The following NTM variants were observed in gnomAD, a reference collection of about 807,000 sequenced individuals.
NTM encodes IgLON family member 2.
NTM carries 13 observed loss-of-function variants against 42.1 expected under a neutral mutation model. The ratio of observed to expected loss-of-function variants is 0.31; its 90% confidence interval spans 0.20 to 0.49. NTM has a LOEUF of 0.49. Ranked by LOEUF, NTM falls within the 20% of genes least tolerant of loss-of-function variation. The pLI is 0.99. For synonymous variants in NTM, 187 were observed against 179.2 expected (o/e 1.04, Z -0.35); for missense variants, 373 against 452.8 (o/e 0.82, Z 1.60).
At chr11:131,749,159 A>T (rs190396107) in intron 1 of NTM, among the ~76,000 whole-genome samples, 1 of 152,362 alleles carries the variant, frequency 6.6e-6, no homozygotes, top group Non-Finnish European at 1.5e-5. Flanking sequence ...GTTGTTCTGA[A>T]TCAACTCAGT....
intron 1 of NTM, among the ~76,000 whole-genome samples, chr11:131,732,874 T>C (rs1358801821): frequency 6.6e-6 from 1 of 152,198 alleles, no homozygotes; most frequent in Non-Finnish European, 1.5e-5. Flanking sequence ...ATGATATCTT[T>C]CAGTATTTTT....
At position 131,589,446 on chromosome 11, in the gene NTM, C is replaced by A. The variant is rs75843945; in HGVS notation, c.82+218558C>A. 3.3e-3 allele frequency among the ~76,000 whole-genome samples: 501 copies of A among 152,270 alleles called. 3 individuals carry two copies. The highest frequency in any genetic ancestry group is 0.011 in the African/African-American group (455 of 41,536). ...GTGCTGTAATTAAAAGCTGACTACA[C>A]ATCCATTCTCCATCCAGAAACTGCA... On this transcript the variant is annotated intron_variant, in intron 1 of 8. Coordinates refer to ENST00000683400, the MANE Select transcript of NTM (RefSeq NM_001352005.2).
At chr11:131,621,743 G>A (rs2062578356) in intron 1 of NTM, among the ~76,000 whole-genome samples, 1 of 149,626 alleles carries the variant, frequency 6.7e-6, no homozygotes, top group Non-Finnish European at 1.5e-5. Flanking sequence ...GATGGCTTGA[G>A]TCTGGGAGGT....
intron 2 of NTM, among the ~76,000 whole-genome samples, chr11:131,982,615 T>G (rs1565879640): frequency 6.6e-6 from 1 of 151,876 alleles, no homozygotes; most frequent in Admixed American, 6.6e-5. Flanking sequence ...TGGAGACACA[T>G]AAAATGAAAG....
chr11:131,830,208 T>G lies in NTM; in HGVS notation c.83-81356T>G, dbSNP rs192970055. ...AGTTCCACTTGTCGATTTTTGTTTT[T>G]GTTGCAATTGTTTTTGAGGATGTAG... On this transcript the variant is annotated intron_variant, in intron 1 of 8. Transcript: ENST00000683400. 1.1e-3 allele frequency among the ~76,000 whole-genome samples: 168 copies of G among 152,338 alleles called. 1 individual carries two copies. The highest frequency in any genetic ancestry group is 3.9e-3 in the African/African-American group (163 of 41,578).
At chr11:132,133,557 G>A (rs1030580212) in intron 2 of NTM, among the ~76,000 whole-genome samples, 2 of 152,164 alleles carry the variant, frequency 1.3e-5, no homozygotes, top group African/African-American at 4.8e-5. Flanking sequence ...GGATGGCTGT[G>A]AGTTGAAAGG....
At chr11:132,005,113 C>A (rs966378156) in intron 2 of NTM, among the ~76,000 whole-genome samples, 2 of 152,102 alleles carry the variant, frequency 1.3e-5, no homozygotes, top group Non-Finnish European at 2.9e-5. Flanking sequence ...AGTATTGACA[C>A]AGCTGGTCAT....
intron 1 of NTM, among the ~76,000 whole-genome samples, chr11:131,780,307 G>A (rs115421409): frequency 6.6e-6 from 1 of 152,264 alleles, no homozygotes; most frequent in African/African-American, 2.4e-5. Context: ...ATCTTCATGA[G>A]GCAGATCATC....
intron 3 of NTM, among the ~76,000 whole-genome samples, chr11:132,172,951 A>G (rs2076311001): frequency 6.6e-6 from 1 of 152,230 alleles, no homozygotes; most frequent in South Asian, 2.1e-4. Flanking sequence ...GGCAGGATCA[A>G]TTGTAATACC....
intron 1 of NTM, among the ~76,000 whole-genome samples, chr11:131,703,035 TG>T (rs2076234850): frequency 1.3e-5 from 2 of 152,146 alleles, no homozygotes; most frequent in South Asian, 4.1e-4. Context: ...TAACTATTAG[TG>T]AAAAATCTAC....
At chr11:131,878,394 A>T (rs1308938477) in intron 1 of NTM, among the ~76,000 whole-genome samples, 1 of 151,264 alleles carries the variant, frequency 6.6e-6, no homozygotes, top group Non-Finnish European at 1.5e-5. Flanking sequence ...AACATGGTGA[A>T]ACACCGTCTG....
intron 5 of NTM, among the ~76,000 whole-genome samples, chr11:132,308,589 A>G (rs563088331): frequency 6.6e-6 from 1 of 152,156 alleles, no homozygotes; most frequent in Non-Finnish European, 1.5e-5. Flanking sequence ...AAGACTTACG[A>G]AGCAATAGAA....
At chr11:131,657,138 T>C (rs2134410784) in intron 1 of NTM, among the ~76,000 whole-genome samples, 1 of 104,598 alleles carries the variant, frequency 9.6e-6, no homozygotes, top group South Asian at 3.7e-4. Flanking sequence ...AATGGCCCTA[T>C]GAAGACCAGC....
At chr11:132,325,420 T>C (rs2095658491) in intron 7 of NTM, among the ~76,000 whole-genome samples, 1 of 152,202 alleles carries the variant, frequency 6.6e-6, no homozygotes, top group African/African-American at 2.4e-5. Context: ...GAATAAATGC[T>C]CACCATCACT....
chr11:132,070,085 A>T (rs1434328356), intron 2 of NTM, among the ~76,000 whole-genome samples: 2 of 142,846 alleles, frequency 1.4e-5, no homozygotes, highest in Non-Finnish European at 3.0e-5. Context: ...CACGTCACAC[A>T]GCCAAGTTAA....
intron 1 of NTM, among the ~76,000 whole-genome samples, chr11:131,890,493 G>T (rs763775804): frequency 1.2e-4 from 18 of 152,220 alleles, no homozygotes; most frequent in Non-Finnish European, 2.5e-4. Context: ...TAGAGGAGAC[G>T]AGGAAACTCA....
chr11:131,391,644 G>GAAAAAAAAAAAAAAAAAAA (rs5795723), intron 1 of NTM, among the ~76,000 whole-genome samples: 3 of 81,552 alleles, frequency 3.7e-5, no homozygotes, highest in Non-Finnish European at 4.5e-5. Context: ...TTTTATCTGG[G>GAAAAAAAAAAAAAAAAAAA]AAAAAAAAAA....
chr11:131,793,297 AG>A (rs1565558852), intron 1 of NTM, among the ~76,000 whole-genome samples: 1 of 152,192 alleles, frequency 6.6e-6, no homozygotes, highest in African/African-American at 2.4e-5. Flanking sequence ...TAATTTGTTC[AG>A]TGTCTGTTGA....
Position 131,582,395 on chromosome 11 carries a change from C to T in NTM, c.82+211507C>T, listed in dbSNP as rs552778679. 2.0e-5 allele frequency: 3 copies of T among 152,286 alleles called. No homozygotes were observed. The South Asian group carries it at 6.2e-4, about 32-fold the overall frequency. 9.4% of individuals were successfully genotyped at this position (152,286 alleles called of 1,614,324 possible). ...AAGCTAACTGTATGTAAATGAATCC[C>T]TTCATCTTTTTTTAGACCCATAGCA... On this transcript the variant is annotated intron_variant, in intron 1 of 8. Transcript: ENST00000683400.
Sources: allele counts gnomAD v4.1 joint callset (sites outside exome capture counted in the v4.1 genomes callset), GRCh38; gene constraint gnomAD v4.1.1; transcripts MANE v1.5; gene names NCBI Gene and HGNC (gene_info 2026-07-23, HGNC 2026-07-21).